Variants in GLB1L3 observed in about 807,000 individuals in gnomAD.
GLB1L3 encodes beta-galactosidase-1-like protein 3.
In GLB1L3, 89 loss-of-function variants were observed where a neutral mutation model predicts 89.5. That is an observed-to-expected ratio of 0.99 (90% CI 0.84 to 1.19). GLB1L3 has a LOEUF of 1.19. Among genes scored for constraint, GLB1L3 ranks in the 50% most tolerant of loss-of-function variants. The probability of loss-of-function intolerance (pLI) is 0.00; values close to 1 mark genes in which losing one functional copy is unlikely to be tolerated. For missense variants in GLB1L3, 812 were observed against 813.3 expected (o/e 1.00, Z 0.02); for synonymous variants, 314 against 312.3 (o/e 1.01, Z -0.06).
chr11:134,308,471 CAA>C (rs544236470), intron 10 of GLB1L3, among the ~76,000 whole-genome samples: 12 of 5,938 alleles, frequency 2.0e-3, no homozygotes, highest in Admixed American at 5.8e-3. Context: ...CCACCACCAC[CAA>C]ATACCACCAC....
At chr11:134,301,357 T>G (rs1267940703) in intron 9 of GLB1L3, among the ~76,000 whole-genome samples, 1 of 152,216 alleles carries the variant, frequency 6.6e-6, no homozygotes, top group Non-Finnish European at 1.5e-5. Flanking sequence ...TCTGAGTAAA[T>G]GTAGTTGTTA....
downstream of GLB1L3, among the ~76,000 whole-genome samples, chr11:134,321,301 A>G (rs1325236184): frequency 6.6e-6 from 1 of 152,248 alleles, no homozygotes; most frequent in Non-Finnish European, 1.5e-5. Flanking sequence ...TGTTTAAAGA[A>G]TATACATAGA....
chr11:134,292,085 C>G, intron 7 of GLB1L3, 47 bp from the exon 8 acceptor site: 1 of 1,387,528 alleles, frequency 7.2e-7, no homozygotes, highest in South Asian at 1.2e-5. Context: ...TCTTTTTTCC[C>G]ATGGGAATGA....
At chr11:134,277,577 ATATGCACAGAACACGTCCTACT>A in intron 2 of GLB1L3, 101 bp from the exon 3 acceptor site, 1 of 1,512,796 alleles carries the variant, frequency 6.6e-7, no homozygotes. Flanking sequence ...TCCTACTAAC[ATATGCACAGAACACGTCCTACT>A]AACAAAAACT....
chr11:134,284,253 A>C (rs770357282), intron 6 of GLB1L3, among the ~76,000 whole-genome samples: 3 of 151,918 alleles, frequency 2.0e-5, no homozygotes, highest in Admixed American at 6.5e-5. Context: ...GGAGACAACC[A>C]ATTTTACTAG....
At chr11:134,286,691 G>A (rs1029035096) in intron 6 of GLB1L3, among the ~76,000 whole-genome samples, 5 of 151,374 alleles carry the variant, frequency 3.3e-5, no homozygotes, top group African/African-American at 1.2e-4. Flanking sequence ...GCAGGAGAAT[G>A]ACGTGAACCC....
chr11:134,318,932 C>T lies in GLB1L3; in HGVS notation c.1952C>T (p.Pro651Leu), dbSNP rs747730224. The T allele has an allele frequency of 6.2e-7, 1 of 1,611,996 alleles. No individual in the cohort carries two copies. Among genetic ancestry groups the T allele is most frequent in the African/African-American group, 1.3e-5 (1 of 74,560 alleles). The change falls in exon 20 of 20, where the codon CCC becomes CTC. Residue 651 changes from proline to leucine, a missense_variant. Physicochemically the swap from Pro to Leu is moderately conservative, Grantham distance 98. Transcript: ENST00000431683. ...SGSDIKSTDK[P>L]TL ...TCAGATATCAAATCTACAGACAAGC[C>T]CACGCTGTAAAACTGTGTCTGAACA...
At chr11:134,309,871 T>C (rs1360354171) in intron 11 of GLB1L3, 108 bp downstream of exon 11, 3 of 1,211,516 alleles carry the variant, frequency 2.5e-6, no homozygotes, top group Admixed American at 4.6e-5. Context: ...ACCTATAATC[T>C]ATGCTGAGTA....
intron 5 of GLB1L3, among the ~76,000 whole-genome samples, chr11:134,283,387 A>G (rs1384503891): frequency 2.0e-5 from 3 of 152,172 alleles, no homozygotes; most frequent in African/African-American, 7.2e-5. Context: ...AATAAACTGA[A>G]AAAGAATAGA....
chr11:134,301,060 C>G (rs1941923981), intron 9 of GLB1L3, among the ~76,000 whole-genome samples: 2 of 152,212 alleles, frequency 1.3e-5, no homozygotes, highest in Admixed American at 1.3e-4. Flanking sequence ...TGACTTCAGA[C>G]TCTCACGCTG....
intron 18 of GLB1L3, among the ~76,000 whole-genome samples, chr11:134,316,330 G>A (rs1453594612): frequency 6.6e-6 from 1 of 151,570 alleles, no homozygotes; most frequent in Non-Finnish European, 1.5e-5. Context: ...TCATATCAGT[G>A]CATTATTTTT....
chr11:134,276,560 T>C lies in GLB1L3; in HGVS notation c.-181T>C. 2.1e-6 allele frequency: 1 copy of C among 472,834 alleles called. No individual in the cohort carries two copies. Among genetic ancestry groups the C allele is most frequent in the East Asian group, 3.8e-5 (1 of 26,452 alleles). 29.3% of individuals were successfully genotyped at this position (472,834 alleles called of 1,614,324 possible). On this transcript the variant is annotated 5_prime_UTR_variant, in exon 1 of 20. Transcript: ENST00000431683. ...GCGGGAGGGAGCCCGACGCGCATCC[T>C]TGGGACCCGGACCCGGCGCCCGCGC...
chr11:134,320,315 G>A (rs2136242756), downstream of GLB1L3, among the ~76,000 whole-genome samples: 1 of 152,264 alleles, frequency 6.6e-6, no homozygotes, highest in Non-Finnish European at 1.5e-5. Flanking sequence ...TTCAATGGAG[G>A]AAACTTCTGT....
Position 134,309,779 on chromosome 11 carries a change from G to A in GLB1L3, c.1099+16G>A, listed in dbSNP as rs745800604. 3 of 1,611,462 alleles carry A rather than the reference G, an allele frequency of 1.9e-6. No homozygotes were observed. Among genetic ancestry groups the A allele is most frequent in the Non-Finnish European group, 8.5e-7 (1 of 1,178,880 alleles). The stretch of plus-strand genomic sequence containing the variant: ...ACCAGCTATGGCAAGTGTCGCTGGT[G>A]TAGTAGCCTCTCCAGCATGGGCGGT... On this transcript the variant is annotated intron_variant, in intron 11 of 19. Coordinates refer to ENST00000431683, the MANE Select transcript of GLB1L3 (RefSeq NM_001080407.3).
chr11:134,300,482 T>A (rs544052), intron 9 of GLB1L3, among the ~76,000 whole-genome samples: 2 of 151,698 alleles, frequency 1.3e-5, no homozygotes, highest in Non-Finnish European at 2.9e-5. Flanking sequence ...ACAGGCGCCC[T>A]CCACCACGCC....
chr11:134,298,803 G>A (rs775470173), intron 9 of GLB1L3, among the ~76,000 whole-genome samples: 44 of 152,230 alleles, frequency 2.9e-4, no homozygotes, highest in African/African-American at 9.4e-4. Flanking sequence ...TATCTGCAGC[G>A]TGAAAATGGA....
downstream of GLB1L3, among the ~76,000 whole-genome samples, chr11:134,323,404 C>CGT (rs1402264481): frequency 9.5e-4 from 95 of 99,828 alleles, no homozygotes; most frequent in Admixed American, 2.1e-3. Context: ...CGTACACACA[C>CGT]ACACACACAC....
intron 9 of GLB1L3, among the ~76,000 whole-genome samples, 161 bp downstream of exon 9, chr11:134,293,370 G>A (rs1479826243): frequency 2.6e-5 from 4 of 152,148 alleles, no homozygotes; most frequent in Admixed American, 2.6e-4. Flanking sequence ...CTTTTGGGAT[G>A]GGGAAGGAGG....
intron 13 of GLB1L3, 62 bp downstream of exon 13, chr11:134,311,232 T>C: frequency 8.2e-7 from 1 of 1,215,910 alleles, no homozygotes; most frequent in African/African-American, 1.5e-5. Flanking sequence ...AGGGATTCCT[T>C]CAGGAAACTT....
Sources: allele counts gnomAD v4.1 joint callset (sites outside exome capture counted in the v4.1 genomes callset), GRCh38; gene constraint gnomAD v4.1.1; transcripts MANE v1.5; gene names NCBI Gene and HGNC (gene_info 2026-07-23, HGNC 2026-07-21).